The following LRTM3 variants were observed in gnomAD, a reference collection of about 807,000 sequenced individuals.
LRTM3 encodes leucine-rich repeat transmembrane protein 3.
the LRTM3 span, chr13:102,732,170 T>A: frequency 6.4e-7 from 1 of 1,551,344 alleles, no homozygotes; most frequent in Non-Finnish European, 8.7e-7. Context: ...TGGTGATTTT[T>A]CCTGGAATTT....
At chr13:102,742,991 T>A in the LRTM3 span, 8 of 1,541,206 alleles carry the variant, frequency 5.2e-6, no homozygotes, top group African/African-American at 9.7e-5. Flanking sequence ...TATTTTTACA[T>A]TTTTTTCTGA....
the LRTM3 span, chr13:102,734,455 T>C: frequency 6.4e-7 from 1 of 1,551,386 alleles, no homozygotes; most frequent in Non-Finnish European, 8.7e-7. Flanking sequence ...TATCTTGACC[T>C]TCATGTTCCT....
chr13:102,748,142 A>G, the LRTM3 span: 1 of 1,550,996 alleles, frequency 6.4e-7, no homozygotes, highest in Non-Finnish European at 8.7e-7. Context: ...TGTATCAGGT[A>G]GTTGAGAAAT....
chr13:102,746,708 G>C, the LRTM3 span: 1 of 1,551,102 alleles, frequency 6.4e-7, no homozygotes, highest in Admixed American at 2.0e-5. Flanking sequence ...TGGCGAAGTT[G>C]CTGGTAAATC....
chr13:102,736,002 T>G, the LRTM3 span: 1 of 1,549,938 alleles, frequency 6.5e-7, no homozygotes, highest in African/African-American at 1.4e-5. Context: ...AAATGTATCC[T>G]TTTGGGGAGT....
the LRTM3 span, chr13:102,734,820 C>A: frequency 6.4e-7 from 1 of 1,551,066 alleles, no homozygotes; most frequent in East Asian, 2.4e-5. Flanking sequence ...CCTTCACATT[C>A]CTGCACCTTC....
At chr13:102,749,391 C>G in the LRTM3 span, 1 of 1,551,370 alleles carries the variant, frequency 6.4e-7, no homozygotes, top group Non-Finnish European at 8.7e-7. Context: ...TGTGGCATAT[C>G]TTCAGTGACT....
chr13:102,738,907 G>A, the LRTM3 span: 2 of 1,550,670 alleles, frequency 1.3e-6, no homozygotes, highest in Admixed American at 2.0e-5. Context: ...TGGAATGCAT[G>A]ATTTTTTCCA....
the LRTM3 span, chr13:102,730,473 A>T: frequency 6.4e-7 from 1 of 1,551,500 alleles, no homozygotes; most frequent in Non-Finnish European, 8.7e-7. Flanking sequence ...ACAGATTCAC[A>T]TGTATTTCTT....
the LRTM3 span, chr13:102,745,048 G>A: frequency 1.9e-6 from 3 of 1,550,758 alleles, no homozygotes; most frequent in East Asian, 2.4e-5. Flanking sequence ...GGGTCTGGAG[G>A]CATTTCTTTG....
the LRTM3 span, chr13:102,745,039 G>A: frequency 3.9e-6 from 6 of 1,550,656 alleles, no homozygotes; most frequent in East Asian, 1.2e-4. Flanking sequence ...TGCCATTTTG[G>A]GTCTGGAGGC....
At chr13:102,742,180 C>T in the LRTM3 span, 10 of 1,550,388 alleles carry the variant, frequency 6.5e-6, no homozygotes, top group Non-Finnish European at 1.7e-6. Flanking sequence ...TTTTACTCAG[C>T]TGGAATGACT....
chr13:102,729,574 T>C, the LRTM3 span: 1 of 1,527,834 alleles, frequency 6.5e-7, no homozygotes, highest in Non-Finnish European at 8.8e-7. Context: ...TTCTTTTCCT[T>C]AAGGTTTCAG....
At chr13:102,744,920 C>T in the LRTM3 span, 3 of 1,550,700 alleles carry the variant, frequency 1.9e-6, no homozygotes, top group East Asian at 2.4e-5. Flanking sequence ...TTCCCCCATA[C>T]ATTTCCTATC....
At chr13:102,755,304 C>T in the LRTM3 span, among the ~76,000 whole-genome samples, 4 of 150,872 alleles carry the variant, frequency 2.7e-5, no homozygotes, top group Admixed American at 1.3e-4. Context: ...TTTAACCATT[C>T]TGATGCTTAG....
chr13:102,736,251 T>C, the LRTM3 span: 2 of 1,550,804 alleles, frequency 1.3e-6, no homozygotes, highest in Non-Finnish European at 1.7e-6. Flanking sequence ...CGTCCTGTCC[T>C]GTCCTGCTTC....
chr13:102,734,956 T>C, the LRTM3 span: 31 of 1,551,074 alleles, frequency 2.0e-5, no homozygotes, highest in Non-Finnish European at 2.6e-5. Context: ...GCCTTATACA[T>C]GTGCCTCCCT....
chr13:102,738,440 T>C, the LRTM3 span: 2 of 1,550,752 alleles, frequency 1.3e-6, no homozygotes, highest in Non-Finnish European at 1.7e-6. Flanking sequence ...AGCGCAGGCA[T>C]TTGTCAGAAG....
At chr13:102,754,161 T>C in the LRTM3 span, among the ~76,000 whole-genome samples, 2 of 138,158 alleles carry the variant, frequency 1.4e-5, no homozygotes, top group Admixed American at 1.6e-4. Flanking sequence ...GCCGAGATTG[T>C]GCCATTGCAC....
Sources: allele counts gnomAD v4.1 joint callset (sites outside exome capture counted in the v4.1 genomes callset), GRCh38; gene constraint gnomAD v4.1.1; transcripts MANE v1.5; gene names NCBI Gene and HGNC (gene_info 2026-07-23, HGNC 2026-07-21).